STXBP4: variants seen among roughly 807,000 people sequenced by gnomAD.
The protein encoded by STXBP4 is syntaxin binding protein 4.
In STXBP4, 55 loss-of-function variants were observed where a neutral mutation model predicts 76.1. That is an observed-to-expected ratio of 0.72 (90% CI 0.58 to 0.91). The LOEUF (loss-of-function observed/expected upper bound fraction) is 0.91. Among genes scored for constraint, STXBP4 ranks in the 40% least tolerant of loss-of-function variants. The probability of loss-of-function intolerance (pLI) is 0.00; values close to 1 mark genes in which losing one functional copy is unlikely to be tolerated. For missense variants in STXBP4, 618 were observed against 636.9 expected (o/e 0.97, Z 0.32); for synonymous variants, 201 against 220.2 (o/e 0.91, Z 0.77).
chr17:55,154,473 A>G (rs905875086), intron 17 of STXBP4, among the ~76,000 whole-genome samples: 1 of 152,218 alleles, frequency 6.6e-6, no homozygotes, highest in Non-Finnish European at 1.5e-5. Flanking sequence ...ATTGTTTATT[A>G]GTATCTGATA....
chr17:55,171,336 G>A lies in STXBP4; in HGVS notation c.*11425G>A, dbSNP rs1408195737. On this transcript the variant is annotated 3_prime_UTR_variant, in exon 18 of 18. Transcript: ENST00000376352. Reference sequence around the variant, plus strand: ...TTTCAAATGAAAGAATCCTTCCAAAGCACCCCTGGCCAATAGCTCATCAAG... The same window carrying A: ...TTTCAAATGAAAGAATCCTTCCAAAACACCCCTGGCCAATAGCTCATCAAG... 6.6e-6 allele frequency: 1 copy of A among 152,134 alleles called. No individual in the cohort carries two copies. The highest frequency in any genetic ancestry group is 2.4e-5 in the African/African-American group (1 of 41,424). 9.4% of individuals were successfully genotyped at this position (152,134 alleles called of 1,614,324 possible).
At chr17:55,152,231 C>G (rs562900377) in intron 17 of STXBP4, among the ~76,000 whole-genome samples, 1 of 152,234 alleles carries the variant, frequency 6.6e-6, no homozygotes, top group African/African-American at 2.4e-5. Context: ...TTCTGTGAGC[C>G]TGACACTGGG....
intron 16 of STXBP4, 116 bp downstream of exon 16, chr17:55,081,299 C>A: frequency 1.5e-6 from 1 of 683,862 alleles, no homozygotes; most frequent in Admixed American, 4.3e-5. Flanking sequence ...GATACCTAAT[C>A]AATAAAAATA....
chr17:55,184,361 C>T, the STXBP4 span, among the ~76,000 whole-genome samples: 1 of 152,114 alleles, frequency 6.6e-6, no homozygotes, highest in East Asian at 1.9e-4. Flanking sequence ...CACAAGTGTA[C>T]CAAATATAAA....
intron 16 of STXBP4, among the ~76,000 whole-genome samples, chr17:55,121,396 A>C (rs1410552560): frequency 6.6e-6 from 1 of 152,120 alleles, no homozygotes; most frequent in African/African-American, 2.4e-5. Context: ...TAATTGAAAA[A>C]CACACTGAGA....
intron 17 of STXBP4, among the ~76,000 whole-genome samples, chr17:55,145,733 T>TTC (rs2080145688): frequency 7.0e-6 from 1 of 142,562 alleles, no homozygotes; most frequent in African/African-American, 2.5e-5. Context: ...GTGTGTATGT[T>TTC]TCTGTGTGTG....
intron 16 of STXBP4, among the ~76,000 whole-genome samples, chr17:55,119,622 T>G (rs2079821538): frequency 6.6e-6 from 1 of 151,960 alleles, no homozygotes; most frequent in African/African-American, 2.4e-5. Context: ...CTAAAAAAGA[T>G]TGGAAAATGA....
At position 55,167,792 on chromosome 17, in the gene STXBP4, A is replaced by T. The variant is rs2080384024; in HGVS notation, c.*7881A>T. On this transcript the variant is annotated 3_prime_UTR_variant, in exon 18 of 18. Coordinates refer to ENST00000376352, the MANE Select transcript of STXBP4 (RefSeq NM_178509.6). ...GCAGAAATTATCTCATCTATAAGTAACCCCACTGGAATTGCTTGACTGTTC... is the reference window on the plus strand; with the variant it reads ...GCAGAAATTATCTCATCTATAAGTATCCCCACTGGAATTGCTTGACTGTTC... The T allele has an allele frequency of 6.6e-6, 1 of 152,122 alleles. No homozygotes were observed. The highest frequency in any genetic ancestry group is 6.5e-5 in the Admixed American group (1 of 15,276). 9.4% of individuals were successfully genotyped at this position (152,122 alleles called of 1,614,324 possible).
intron 16 of STXBP4, among the ~76,000 whole-genome samples, chr17:55,098,094 C>T (rs1419793460): frequency 1.3e-5 from 2 of 152,170 alleles, no homozygotes; most frequent in Non-Finnish European, 2.9e-5. Flanking sequence ...TTCTCTTCCG[C>T]ACCTCCTTTT....
chr17:55,165,786 T>A lies in STXBP4; in HGVS notation c.*5875T>A, dbSNP rs1475072556. On this transcript the variant is annotated 3_prime_UTR_variant, in exon 18 of 18. Transcript: ENST00000376352. Reference sequence around the variant, plus strand: ...CTGGTGAATGGGATTAGGACCCTTATGAAAGAGGCTTCAGGGAACCTGTTT... The same window carrying A: ...CTGGTGAATGGGATTAGGACCCTTAAGAAAGAGGCTTCAGGGAACCTGTTT... 1 of 152,222 alleles carries A rather than the reference T, an allele frequency of 6.6e-6. No homozygotes were observed. The highest frequency in any genetic ancestry group is 2.4e-5 in the African/African-American group (1 of 41,452). The allele number at this position is 152,222 out of a possible 1,614,324, so 9.4% of individuals were successfully genotyped here.
At chr17:55,014,548 C>T (rs2078171557) in intron 8 of STXBP4, among the ~76,000 whole-genome samples, 1 of 152,106 alleles carries the variant, frequency 6.6e-6, no homozygotes, top group African/African-American at 2.4e-5. Context: ...GAGAAGGCCA[C>T]ACCAGTGTCC....
chr17:55,131,918 A>G (rs1237032463), intron 16 of STXBP4, among the ~76,000 whole-genome samples: 1 of 152,126 alleles, frequency 6.6e-6, no homozygotes, highest in African/African-American at 2.4e-5. Context: ...GCATGCCACT[A>G]TGCCTGGCTA....
At chr17:55,146,174 T>G (rs1196982472) in intron 17 of STXBP4, among the ~76,000 whole-genome samples, 1 of 152,238 alleles carries the variant, frequency 6.6e-6, no homozygotes, top group Admixed American at 6.5e-5. Flanking sequence ...AGCTGCTAAT[T>G]GCTTTTTTGT....
At chr17:55,023,110 A>G (rs1039650528) in intron 8 of STXBP4, among the ~76,000 whole-genome samples, 19 of 152,348 alleles carry the variant, frequency 1.2e-4, no homozygotes, top group Admixed American at 4.6e-4. Context: ...CAGAAATTCT[A>G]GATTAAAATT....
rs1360319131 is a variant in STXBP4, at chr17:55,161,493, T to C, written c.*1582T>C. 6.6e-6 allele frequency: 1 copy of C among 152,242 alleles called. No individual in the cohort carries two copies. The highest frequency in any genetic ancestry group is 1.5e-5 in the Non-Finnish European group (1 of 68,042). 9.4% of individuals were successfully genotyped at this position (152,242 alleles called of 1,614,324 possible). Reference sequence around the variant, plus strand: ...AAACTTCTTGTTTTTGTCAAATTAATGGTATGAAATTTCTCTCCCCCTGCT... The same window carrying C: ...AAACTTCTTGTTTTTGTCAAATTAACGGTATGAAATTTCTCTCCCCCTGCT... On this transcript the variant is annotated 3_prime_UTR_variant, in exon 18 of 18. Transcript: ENST00000376352.
chr17:55,212,066 C>T, the STXBP4 span, among the ~76,000 whole-genome samples: 3 of 151,762 alleles, frequency 2.0e-5, no homozygotes, highest in South Asian at 2.1e-4. Context: ...ATGATCCACC[C>T]GCCTCAGCCT....
intron 2 of STXBP4, among the ~76,000 whole-genome samples, 199 bp downstream of exon 2, chr17:54,985,890 T>A (rs1187688263): frequency 6.6e-6 from 1 of 152,210 alleles, no homozygotes; most frequent in Non-Finnish European, 1.5e-5. Flanking sequence ...AAAATGAAGA[T>A]GTTATATAGA....
At chr17:54,986,656 T>C (rs2077630929) in intron 3 of STXBP4, among the ~76,000 whole-genome samples, 1 of 152,180 alleles carries the variant, frequency 6.6e-6, no homozygotes, top group South Asian at 2.1e-4. Flanking sequence ...TAGACAATTG[T>C]CAAATACATT....
chr17:55,029,339 C>A (rs1477075010), intron 8 of STXBP4, among the ~76,000 whole-genome samples: 1 of 151,478 alleles, frequency 6.6e-6, no homozygotes, highest in Non-Finnish European at 1.5e-5. Context: ...TAAATTAAGA[C>A]CAGGAAGAAT....
Sources: gnomAD v4.1 joint callset for allele counts (sites outside exome capture counted in the v4.1 genomes callset) on GRCh38, gnomAD v4.1.1 for gene constraint, MANE v1.5 for transcripts, NCBI Gene and HGNC (gene_info 2026-07-23, HGNC 2026-07-21) for gene names.